The following RAB33A variants were observed in gnomAD, a reference collection of about 807,000 sequenced individuals.
RAB33A encodes the protein ras-related protein Rab-33A.
Under a neutral mutation model 12.0 loss-of-function variants are expected in RAB33A, and 6 were observed. The ratio of observed to expected loss-of-function variants is 0.50; its 90% CI spans 0.27 to 0.99. The LOEUF (loss-of-function observed/expected upper bound fraction) is 0.99. Among genes scored for constraint, RAB33A ranks in the 50% least tolerant of loss-of-function variants. The pLI is 0.11. For synonymous variants in RAB33A, 70 were observed against 82.4 expected (o/e 0.85, Z 0.81); for missense variants, 109 against 192.0 (o/e 0.57, Z 2.55).
the RAB33A span, among the ~76,000 whole-genome samples, chrX:130,135,439 T>TTTA: frequency 1.0e-3 from 76 of 72,944 alleles, no homozygotes; most frequent in African/African-American, 4.0e-3. Context: ...TTTTTTTTTT[T>TTTA]AAAAAAAAAA....
chrX:130,122,133 C>A, the RAB33A span, among the ~76,000 whole-genome samples: 34 of 112,132 alleles, frequency 3.0e-4, no homozygotes, highest in African/African-American at 1.0e-3. Flanking sequence ...GGTTTTCATA[C>A]CACCCCCTTG....
At chrX:130,171,796 T>C, upstream of RAB33A, 1 of 374,490 alleles carries the variant, frequency 2.7e-6, no homozygotes, top group Non-Finnish European at 4.6e-6. Flanking sequence ...CTCCTCCCTC[T>C]CTCCTCCTCT....
At chrX:130,179,423 G>A (rs2031698377) in intron 1 of RAB33A, among the ~76,000 whole-genome samples, 1 of 110,320 alleles carries the variant, frequency 9.1e-6, no homozygotes, top group Admixed American at 9.8e-5. Flanking sequence ...CATGCCTGAG[G>A]GCTGGTAGGG....
chrX:130,179,377 T>TA (rs2031697954), intron 1 of RAB33A, among the ~76,000 whole-genome samples: 1 of 111,296 alleles, frequency 9.0e-6, no homozygotes, highest in Non-Finnish European at 1.9e-5. Context: ...CAGGTATTTT[T>TA]AGAGTCCTGA....
At chrX:130,117,343 C>T in the RAB33A span, among the ~76,000 whole-genome samples, 1 of 112,818 alleles carries the variant, frequency 8.9e-6, no homozygotes, top group African/African-American at 3.2e-5. Context: ...GGAGGGCTGG[C>T]TGCCTGGAGG....
the RAB33A span, among the ~76,000 whole-genome samples, chrX:130,128,298 C>A: frequency 9.0e-6 from 1 of 111,624 alleles, no homozygotes; most frequent in East Asian, 2.8e-4. Flanking sequence ...TTAGGCCGGG[C>A]GCGGTGACTC....
At chrX:130,134,853 C>T in the RAB33A span, among the ~76,000 whole-genome samples, 2 of 111,379 alleles carry the variant, frequency 1.8e-5, no homozygotes, top group East Asian at 2.8e-4. Flanking sequence ...AGTCATTAAA[C>T]TGTTTACAAA....
chrX:130,128,102 G>A, the RAB33A span, among the ~76,000 whole-genome samples: 17 of 111,202 alleles, frequency 1.5e-4, no homozygotes, highest in African/African-American at 4.2e-4. Flanking sequence ...AAATTCTTAC[G>A]GTGGAGATTT....
chrX:130,118,988 G>A, the RAB33A span, among the ~76,000 whole-genome samples: 5 of 111,340 alleles, frequency 4.5e-5, no homozygotes, highest in African/African-American at 9.8e-5. Context: ...TTTTTTCCTC[G>A]TCGCTGCCAA....
chrX:130,160,915 T>A, the RAB33A span, among the ~76,000 whole-genome samples: 37 of 108,873 alleles, frequency 3.4e-4, no homozygotes, highest in East Asian at 0.01. Flanking sequence ...AATAAATAAA[T>A]AAAATGAAAA....
At chrX:130,114,785 A>G in the RAB33A span, among the ~76,000 whole-genome samples, 1 of 111,868 alleles carries the variant, frequency 8.9e-6, no homozygotes, top group Non-Finnish European at 1.9e-5. Context: ...AACAGCTTTC[A>G]GAGCCCCTCT....
chrX:130,119,297 G>A, the RAB33A span, among the ~76,000 whole-genome samples: 1 of 111,758 alleles, frequency 8.9e-6, no homozygotes, highest in South Asian at 3.7e-4. Context: ...GGTTGAGTTT[G>A]TGATGCTGAG....
chrX:130,145,575 T>C, the RAB33A span: 3 of 1,159,479 alleles, frequency 2.6e-6, no homozygotes, highest in Admixed American at 6.5e-5. Flanking sequence ...ATATGCTGTA[T>C]GGAGAAGAGA....
the RAB33A span, among the ~76,000 whole-genome samples, chrX:130,160,291 G>A: frequency 2.7e-5 from 3 of 111,231 alleles, no homozygotes; most frequent in Non-Finnish European, 3.8e-5. Context: ...ATATTACATC[G>A]TGACTGAAAC....
the RAB33A span, among the ~76,000 whole-genome samples, chrX:130,164,827 C>G: frequency 8.9e-6 from 1 of 111,859 alleles, no homozygotes; most frequent in Non-Finnish European, 1.9e-5. Context: ...CAAGTAATTT[C>G]ACCTCTCTGT....
chrX:130,170,584 A>G (rs1425301506), upstream of RAB33A, among the ~76,000 whole-genome samples: 1 of 113,032 alleles, frequency 8.8e-6, no homozygotes, highest in African/African-American at 3.2e-5. Context: ...GGGAGAAGGA[A>G]TACTGGTCTT....
chrX:130,116,514 G>A, the RAB33A span, among the ~76,000 whole-genome samples: 9 of 111,244 alleles, frequency 8.1e-5, no homozygotes, highest in African/African-American at 2.3e-4. Context: ...GGCTGGTATC[G>A]AACTCCTGAC....
the RAB33A span, among the ~76,000 whole-genome samples, chrX:130,159,686 T>C: frequency 9.1e-6 from 1 of 109,999 alleles, no homozygotes; most frequent in African/African-American, 3.3e-5. Flanking sequence ...ACAAATTTGT[T>C]TTAATATCAT....
chrX:130,129,750 T>C, the RAB33A span: 6 of 785,576 alleles, frequency 7.6e-6, no homozygotes, highest in Non-Finnish European at 9.7e-6. Flanking sequence ...TGGGAACAGT[T>C]CTCTACTAAC....
Sources: allele counts gnomAD v4.1 joint callset (sites outside exome capture counted in the v4.1 genomes callset), GRCh38; gene constraint gnomAD v4.1.1; transcripts MANE v1.5; gene names NCBI Gene and HGNC (gene_info 2026-07-23, HGNC 2026-07-21).